Variants in BTBD9 observed in about 807,000 individuals in gnomAD.
BTBD9 encodes BTB/POZ domain-containing protein 9.
In BTBD9, 49 loss-of-function variants were observed where a neutral mutation model predicts 64.3. The ratio of observed to expected loss-of-function variants is 0.76; its 90% CI spans 0.61 to 0.97. The LOEUF (loss-of-function observed/expected upper bound fraction) is 0.97, where lower values mean the gene tolerates loss of function less well. Among genes scored for constraint, BTBD9 ranks in the 50% least tolerant of loss-of-function variants. The probability of loss-of-function intolerance (pLI) is 0.00; values close to 1 mark genes in which losing one functional copy is unlikely to be tolerated. For missense variants in BTBD9, 598 were observed against 762.1 expected (o/e 0.78, Z 2.53); for synonymous variants, 260 against 274.7 (o/e 0.95, Z 0.53).
At chr6:38,406,516 G>A (rs1271563887) in intron 6 of BTBD9, among the ~76,000 whole-genome samples, 1 of 152,038 alleles carries the variant, frequency 6.6e-6, no homozygotes, top group African/African-American at 2.4e-5. Context: ...GTAAGGAGTT[G>A]GCATTCCCAA....
intron 9 of BTBD9, among the ~76,000 whole-genome samples, chr6:38,206,221 A>AT (rs548444182): frequency 0.069 from 10,103 of 146,322 alleles, 409 homozygotes; most frequent in African/African-American, 0.11. Context: ...AAACTAAGCA[A>AT]TTTTTTTTTT....
chr6:38,550,862 TC>T (rs1774769267), intron 6 of BTBD9, among the ~76,000 whole-genome samples: 1 of 152,154 alleles, frequency 6.6e-6, no homozygotes, highest in Non-Finnish European at 1.5e-5. Flanking sequence ...GCTGTCAATC[TC>T]ACTCAACCAA....
chr6:38,631,145 T>C lies in BTBD9; in HGVS notation c.-28+8655A>G, dbSNP rs375964194. Among the ~76,000 whole-genome samples, 51 of 152,360 alleles carry C rather than the reference T, an allele frequency of 3.3e-4. 1 individual carries two copies. In the South Asian group the frequency reaches 0.01, roughly 31 times the overall value. On this transcript the variant is annotated intron_variant, in intron 1 of 10. Transcript: ENST00000481247. Reference sequence around the variant, plus strand: ...GGCTGCATTAGTACTAAAGCTAATGTGATGGATATAAAACTTCAAGGAATC... The same window carrying C: ...GGCTGCATTAGTACTAAAGCTAATGCGATGGATATAAAACTTCAAGGAATC...
At chr6:38,221,306 A>G (rs966140304) in intron 9 of BTBD9, among the ~76,000 whole-genome samples, 1 of 152,200 alleles carries the variant, frequency 6.6e-6, no homozygotes, top group African/African-American at 2.4e-5. Flanking sequence ...AATGCAGTCA[A>G]TCGAAACACT....
chr6:38,327,242 A>G (rs1763474853), intron 7 of BTBD9, among the ~76,000 whole-genome samples: 1 of 152,196 alleles, frequency 6.6e-6, no homozygotes, highest in Non-Finnish European at 1.5e-5. Context: ...AATATTAACG[A>G]GCCAATAAAT....
At chr6:38,285,152 G>T (rs1223750678) in intron 8 of BTBD9, among the ~76,000 whole-genome samples, 2 of 152,186 alleles carry the variant, frequency 1.3e-5, no homozygotes, top group Admixed American at 6.5e-5. Context: ...TGTGTGGGAG[G>T]GACGGTTGTG....
intron 8 of BTBD9, among the ~76,000 whole-genome samples, chr6:38,287,105 A>T (rs867545733): frequency 3.3e-4 from 33 of 100,256 alleles, no homozygotes; most frequent in East Asian, 9.8e-4. Flanking sequence ...AAAAAAAAAA[A>T]ATATACACAC....
chr6:38,561,016 C>T (rs72855115), intron 6 of BTBD9, among the ~76,000 whole-genome samples: 1,803 of 152,256 alleles, frequency 0.012, 20 homozygotes, highest in Middle Eastern at 0.031. Context: ...CATGTCTTTG[C>T]TTTATAAATA....
chr6:38,596,193 G>GT, intron 2 of BTBD9: 2 of 377,316 alleles, frequency 5.3e-6, no homozygotes, highest in Non-Finnish European at 7.3e-6. Flanking sequence ...TTAGCTCTAA[G>GT]GTAGACTTAG....
intron 4 of BTBD9, chr6:38,588,337 C>T (rs779616284): frequency 4.9e-5 from 46 of 937,286 alleles, no homozygotes; most frequent in Non-Finnish European, 8.9e-6. Flanking sequence ...CCAAACTTTT[C>T]AGCCTACTAA....
chr6:38,439,129 T>G (rs1404838676), intron 6 of BTBD9, among the ~76,000 whole-genome samples: 2 of 148,160 alleles, frequency 1.3e-5, no homozygotes, highest in Non-Finnish European at 3.0e-5. Context: ...TTTTTTTTTT[T>G]TTTTTGGTGA....
At chr6:38,460,349 C>T (rs1582465273) in intron 6 of BTBD9, among the ~76,000 whole-genome samples, 1 of 152,190 alleles carries the variant, frequency 6.6e-6, no homozygotes, top group East Asian at 1.9e-4. Context: ...TATGTCATTT[C>T]TACCCAGGAA....
chr6:38,594,113 A>C lies in BTBD9; in HGVS notation c.400T>G (p.Cys134Gly). ...ELEDSTSEYL[C>G]TILNIQNVCM... ...ACATTCTGAATGTTAAGTATGGTGC[A>C]GAGATACTCAGAGGTAGAATCCTCT... is the stretch of plus-strand genomic sequence containing the variant. The change falls in exon 3 of 11, where the codon TGC (cysteine) becomes GGC (glycine). Residue 134 changes from cysteine to glycine, a missense_variant. Transcript: ENST00000481247. 6.2e-7 allele frequency: 1 copy of C among 1,614,218 alleles called. No individual in the cohort carries two copies. The highest frequency in any genetic ancestry group is 8.5e-7 in the Non-Finnish European group (1 of 1,180,038).
intron 6 of BTBD9, among the ~76,000 whole-genome samples, chr6:38,424,891 T>A (rs140865648): frequency 1.1e-4 from 17 of 151,930 alleles, no homozygotes; most frequent in African/African-American, 4.1e-4. Flanking sequence ...CAGGTTGGAG[T>A]GCAGTGGCAC....
intron 1 of BTBD9, among the ~76,000 whole-genome samples, chr6:38,606,273 T>C (rs1777430315): frequency 6.6e-6 from 1 of 152,144 alleles, no homozygotes. Flanking sequence ...GAGTCAATAC[T>C]CCTTAATAAA....
chr6:38,282,385 A>C (rs1439244758), intron 8 of BTBD9, among the ~76,000 whole-genome samples: 2 of 152,240 alleles, frequency 1.3e-5, no homozygotes, highest in Non-Finnish European at 2.9e-5. Context: ...AATGAGAAAG[A>C]AATGCAAGAG....
intron 6 of BTBD9, among the ~76,000 whole-genome samples, chr6:38,379,595 G>A (rs1214143607): frequency 6.6e-6 from 1 of 151,810 alleles, no homozygotes; most frequent in Non-Finnish European, 1.5e-5. Flanking sequence ...AGGTAAAGAA[G>A]GTTCTAGAAA....
intron 9 of BTBD9, among the ~76,000 whole-genome samples, chr6:38,235,715 T>C (rs929012255): frequency 1.3e-5 from 2 of 152,190 alleles, no homozygotes; most frequent in Admixed American, 6.5e-5. Flanking sequence ...GAGATATCTG[T>C]AACTGACACT....
chr6:38,287,211 A>T (rs951444493), intron 8 of BTBD9, among the ~76,000 whole-genome samples: 14 of 149,788 alleles, frequency 9.3e-5, no homozygotes, highest in African/African-American at 3.4e-4. Flanking sequence ...CTTCACATTC[A>T]CCCATCACTC....
Sources: allele counts gnomAD v4.1 joint callset (sites outside exome capture counted in the v4.1 genomes callset), GRCh38; gene constraint gnomAD v4.1.1; transcripts MANE v1.5; gene names NCBI Gene and HGNC (gene_info 2026-07-23, HGNC 2026-07-21).